The following MYOZ2 variants were observed in gnomAD, a reference collection of about 807,000 sequenced individuals.
MYOZ2 encodes myozenin 2.
A neutral mutation model predicts 25.4 loss-of-function variants in MYOZ2; 19 were observed. The observed-to-expected ratio is 0.75, with a 90% CI of 0.52 to 1.10. The LOEUF is 1.10. Among genes scored for constraint, MYOZ2 ranks in the 50% least tolerant of loss-of-function variants. The pLI, the probability that MYOZ2 is intolerant of heterozygous loss-of-function variation, is 0.00. For synonymous variants in MYOZ2, 92 were observed against 106.9 expected (o/e 0.86, Z 0.86); for missense variants, 270 against 317.9 (o/e 0.85, Z 1.15).
At chr4:119,153,251 G>A (rs548796865) in intron 3 of MYOZ2, among the ~76,000 whole-genome samples, 3 of 152,196 alleles carry the variant, frequency 2.0e-5, no homozygotes, top group African/African-American at 7.2e-5. Flanking sequence ...CTTTTACTTT[G>A]TCAAGACTGT....
In MYOZ2 at chr4:119,135,991, G is replaced by GT. The variant is rs58371596; in HGVS notation, c.-15+11dup. 0.018 allele frequency: 2,992 copies of GT among 164,364 alleles called. 37 individuals are homozygous for GT. The highest frequency in any genetic ancestry group is 0.036 in the African/African-American group (1,496 of 41,634). The allele number at this position is 164,364 out of a possible 1,614,324, so 10.2% of individuals were successfully genotyped here. A position where few individuals can be genotyped will look rare whatever the true frequency, so the allele number is the denominator to read the frequency against. On this transcript the variant is annotated intron_variant, in intron 1 of 5. Transcript: ENST00000307128. ...CACAATCTAACAGCAAGGTGAGTAT[G>GT]TTGTTTCCTAAAATGTTTCATTAGT...
intron 2 of MYOZ2, among the ~76,000 whole-genome samples, chr4:119,147,804 C>T (rs992997515): frequency 2.0e-5 from 3 of 151,094 alleles, no homozygotes; most frequent in Non-Finnish European, 4.4e-5. Context: ...AAATAATTGT[C>T]TTAAGTATTT....
chr4:119,162,038 T>C (rs1278604282), intron 4 of MYOZ2, among the ~76,000 whole-genome samples: 1 of 152,066 alleles, frequency 6.6e-6, no homozygotes, highest in African/African-American at 2.4e-5. Context: ...GGTTATAGAA[T>C]TACGTATAAT....
intron 2 of MYOZ2, among the ~76,000 whole-genome samples, chr4:119,149,145 T>C (rs1237206880): frequency 6.6e-6 from 1 of 152,174 alleles, no homozygotes; most frequent in Non-Finnish European, 1.5e-5. Context: ...GTTCCCTATT[T>C]GGCTCCACTG....
chr4:119,163,077 A>G (rs562952778), intron 4 of MYOZ2, among the ~76,000 whole-genome samples: 3 of 152,310 alleles, frequency 2.0e-5, no homozygotes, highest in Admixed American at 2.0e-4. Context: ...TGTGTAAGAA[A>G]AGAGCTTTGA....
chr4:119,181,490 A>G, intron 5 of MYOZ2, among the ~76,000 whole-genome samples: 1 of 152,200 alleles, frequency 6.6e-6, no homozygotes, highest in East Asian at 1.9e-4. Context: ...GAAAAATAAC[A>G]TAACATTTTA....
rs768381091 is a variant in MYOZ2, at chr4:119,151,017, G to T, written c.222G>T (p.Gln74His). ...ACAAATACACATTTGAAAATTTCCAGTATCAATCTAGAGCACAAATAAATG... is the reference window on the plus strand; with the variant it reads ...ACAAATACACATTTGAAAATTTCCATTATCAATCTAGAGCACAAATAAATG... ...RSDKYTFENF[Q>H]YQSRAQINHS... Residue 74 changes from glutamine (Q) to histidine (H), a missense_variant, in exon 3 of 6, where the codon CAG becomes CAT. By Grantham distance (24) the Gln-to-His change is conservative. Coordinates refer to ENST00000307128, the MANE Select transcript of MYOZ2 (RefSeq NM_016599.5). 12 of 1,613,026 alleles carry T rather than the reference G, an allele frequency of 7.4e-6. No homozygotes were observed. The South Asian group carries it at 1.3e-4, about 18-fold the overall frequency.
intron 5 of MYOZ2, among the ~76,000 whole-genome samples, chr4:119,175,576 ACT>A (rs1742052012): frequency 6.6e-6 from 1 of 151,852 alleles, no homozygotes; most frequent in Non-Finnish European, 1.5e-5. Context: ...ACATGGTGAA[ACT>A]CTGTTTCTAC....
In MYOZ2 at chr4:119,185,943, G is replaced by GTTT. The variant is rs112369914; in HGVS notation, c.561-15_561-13dup. ...CAAATTTGAATATTAATTGAGATCT[G>GTTT]TTTTTTTTTTAATTTCCCACAGGGT... On this transcript the variant is annotated intron_variant, in intron 5 of 5. Transcript: ENST00000307128. 9.7e-6 allele frequency: 14 copies of GTTT among 1,448,584 alleles called. No homozygotes were observed. The African/African-American group carries it at 1.0e-4, about 10-fold the overall frequency. The allele number at this position is 1,448,584 out of a possible 1,614,324, so 89.7% of individuals were successfully genotyped here.
chr4:119,177,309 T>A (rs1742094377), intron 5 of MYOZ2, among the ~76,000 whole-genome samples: 1 of 152,180 alleles, frequency 6.6e-6, no homozygotes, highest in Non-Finnish European at 1.5e-5. Flanking sequence ...TGCACTCATA[T>A]TTAAGCAGCT....
At chr4:119,136,622 T>C in intron 2 of MYOZ2, 21 bp downstream of exon 2, 1 of 1,599,154 alleles carries the variant, frequency 6.3e-7, no homozygotes, top group Non-Finnish European at 8.6e-7. Flanking sequence ...AAATCCTTCG[T>C]AGCATTAATA....
At chr4:119,144,035 T>C (rs1003524272) in intron 2 of MYOZ2, among the ~76,000 whole-genome samples, 2 of 152,146 alleles carry the variant, frequency 1.3e-5, no homozygotes, top group Non-Finnish European at 1.5e-5. Context: ...AATATTGACA[T>C]TGATACAGTC....
At chr4:119,177,956 A>T (rs886512706) in intron 5 of MYOZ2, among the ~76,000 whole-genome samples, 1 of 152,112 alleles carries the variant, frequency 6.6e-6, no homozygotes, top group Non-Finnish European at 1.5e-5. Context: ...AAAGTTCTTA[A>T]ATATTGTCTA....
intron 2 of MYOZ2, among the ~76,000 whole-genome samples, chr4:119,140,385 A>G (rs57214946): frequency 0.015 from 2,330 of 152,324 alleles, 53 homozygotes; most frequent in African/African-American, 0.05. Context: ...CCTATCAAAT[A>G]TATAAAGTTT....
Position 119,136,433 on chromosome 4 carries a change from G to A in MYOZ2, c.-14-79G>A, listed in dbSNP as rs954208271. 4 of 1,239,350 alleles carry A rather than the reference G, an allele frequency of 3.2e-6. No homozygotes were observed. The African/African-American group carries it at 4.5e-5, about 14-fold the overall frequency. The allele number at this position is 1,239,350 out of a possible 1,614,324, so 76.8% of individuals were successfully genotyped here. Reference sequence around the variant, plus strand: ...CTTTTTAATAAAGAACAAAGATGTTGTCTTTCAAAACAGTGATTATAAGAC... The same window carrying A: ...CTTTTTAATAAAGAACAAAGATGTTATCTTTCAAAACAGTGATTATAAGAC... On this transcript the variant is annotated intron_variant, in intron 1 of 5. Coordinates refer to ENST00000307128, the MANE Select transcript of MYOZ2 (RefSeq NM_016599.5).
At chr4:119,171,816 AACAC>A (rs35658721) in intron 5 of MYOZ2, among the ~76,000 whole-genome samples, 19 of 149,358 alleles carry the variant, frequency 1.3e-4, no homozygotes, top group South Asian at 4.2e-4. Flanking sequence ...CAAACACACA[AACAC>A]ACACACACAC....
intron 2 of MYOZ2, among the ~76,000 whole-genome samples, chr4:119,146,114 A>G (rs1430038337): frequency 6.6e-6 from 1 of 152,090 alleles, no homozygotes; most frequent in Non-Finnish European, 1.5e-5. Flanking sequence ...TGTCTTCTCT[A>G]TATTTTCCAT....
At chr4:119,180,384 G>T (rs1184905461) in intron 5 of MYOZ2, among the ~76,000 whole-genome samples, 1 of 152,100 alleles carries the variant, frequency 6.6e-6, no homozygotes, top group Non-Finnish European at 1.5e-5. Flanking sequence ...ACCTATGCAT[G>T]GGAGGATGAG....
chr4:119,160,432 C>T (rs2149224112), intron 4 of MYOZ2, among the ~76,000 whole-genome samples: 1 of 151,996 alleles, frequency 6.6e-6, no homozygotes, highest in Non-Finnish European at 1.5e-5. Flanking sequence ...TTACTGTACA[C>T]TATGGAATCA....
Sources: gnomAD v4.1 joint callset for allele counts (sites outside exome capture counted in the v4.1 genomes callset) on GRCh38, gnomAD v4.1.1 for gene constraint, MANE v1.5 for transcripts, NCBI Gene and HGNC (gene_info 2026-07-23, HGNC 2026-07-21) for gene names.